Variants in RELN observed in about 807,000 individuals in gnomAD.
RELN encodes the protein reelin.
RELN carries 108 observed loss-of-function variants against 427.6 expected under a neutral mutation model. The observed-to-expected ratio is 0.25, with a 90% CI of 0.22 to 0.30. The LOEUF is 0.30. Ranked by LOEUF, RELN falls within the 10% of genes least tolerant of loss-of-function variation. The pLI is 1.00. For synonymous variants in RELN, 1,524 were observed against 1,513.4 expected, an observed-to-expected ratio of 1.01 and a Z score of -0.16; for missense variants, 3,715 against 4,302.8, an observed-to-expected ratio of 0.86 and a Z score of 3.82.
At chr7:103,501,146 A>G (rs1829013904) in intron 52 of RELN, among the ~76,000 whole-genome samples, 1 of 152,238 alleles carries the variant, frequency 6.6e-6, no homozygotes, top group Non-Finnish European at 1.5e-5. Context: ...ACACTTGCAC[A>G]ACAAAATTAA....
At chr7:103,547,838 A>G (rs1186713878) in intron 41 of RELN, among the ~76,000 whole-genome samples, 1 of 152,138 alleles carries the variant, frequency 6.6e-6, no homozygotes, top group Non-Finnish European at 1.5e-5. Flanking sequence ...TTGGATATTT[A>G]TTATTGTTCA....
chr7:103,518,184 A>G (rs1829613132), intron 49 of RELN, among the ~76,000 whole-genome samples: 1 of 152,032 alleles, frequency 6.6e-6, no homozygotes, highest in Non-Finnish European at 1.5e-5. Flanking sequence ...AAATTAAGTA[A>G]TTTTGTCTTT....
chr7:103,707,847 C>G (rs372380299), intron 8 of RELN, among the ~76,000 whole-genome samples: 75 of 152,010 alleles, frequency 4.9e-4, no homozygotes, highest in African/African-American at 1.8e-3. Flanking sequence ...ATAAGCAAAA[C>G]AAACAAAAAA....
At chr7:103,504,030 C>G (rs1279068051) in intron 51 of RELN, among the ~76,000 whole-genome samples, 1 of 151,964 alleles carries the variant, frequency 6.6e-6, no homozygotes, top group African/African-American at 2.4e-5. Context: ...ATGGTGAAAC[C>G]CTGTCTCTAC....
intron 1 of RELN, among the ~76,000 whole-genome samples, chr7:103,943,848 C>CAAAAAAAA (rs10631941): frequency 2.7e-4 from 21 of 76,418 alleles, no homozygotes; most frequent in African/African-American, 7.6e-4. Flanking sequence ...ATTCTGTCTC[C>CAAAAAAAA]AAAAAAAAAA....
At chr7:103,667,904 C>A (rs1435552968) in intron 11 of RELN, among the ~76,000 whole-genome samples, 1 of 152,140 alleles carries the variant, frequency 6.6e-6, no homozygotes, top group Non-Finnish European at 1.5e-5. Flanking sequence ...CATTTGGCAA[C>A]AGATATCAAA....
intron 10 of RELN, among the ~76,000 whole-genome samples, chr7:103,683,774 T>C (rs1367511518): frequency 6.6e-6 from 1 of 152,154 alleles, no homozygotes; most frequent in African/African-American, 2.4e-5. Flanking sequence ...TAGACTGACA[T>C]ATTACCAAAG....
intron 28 of RELN, 31 bp downstream of exon 28, chr7:103,589,565 G>A: frequency 6.9e-7 from 1 of 1,456,068 alleles, no homozygotes; most frequent in Non-Finnish European, 9.7e-7. Flanking sequence ...CTTTCTTAAT[G>A]GCCCAAACCC....
chr7:103,676,873 A>C (rs1833538577), intron 11 of RELN, among the ~76,000 whole-genome samples: 1 of 152,006 alleles, frequency 6.6e-6, no homozygotes, highest in East Asian at 1.9e-4. Context: ...TGAACATCAC[A>C]CAGCGGGGCC....
chr7:103,885,362 A>G (rs1794701911), intron 2 of RELN, among the ~76,000 whole-genome samples: 1 of 151,788 alleles, frequency 6.6e-6, no homozygotes, highest in African/African-American at 2.4e-5. Context: ...TATAGACTGG[A>G]TAAAGAAAAT....
chr7:103,903,090 CAA>C (rs1298555438), intron 2 of RELN, among the ~76,000 whole-genome samples: 2 of 152,036 alleles, frequency 1.3e-5, no homozygotes. Flanking sequence ...CCTCAAACCT[CAA>C]GAGTAAACCA....
intron 6 of RELN, among the ~76,000 whole-genome samples, chr7:103,729,522 G>A (rs1790300061): frequency 6.6e-6 from 1 of 152,020 alleles, no homozygotes; most frequent in African/African-American, 2.4e-5. Flanking sequence ...ACATATTTTA[G>A]AAAAAACATA....
chr7:103,748,071 A>G (rs1790891048), intron 6 of RELN, among the ~76,000 whole-genome samples: 1 of 152,026 alleles, frequency 6.6e-6, no homozygotes, highest in African/African-American at 2.4e-5. Flanking sequence ...ATCTATATTA[A>G]TGGCATATAA....
At chr7:103,757,812 T>G (rs1252910135) in intron 4 of RELN, among the ~76,000 whole-genome samples, 8 of 152,296 alleles carry the variant, frequency 5.3e-5, no homozygotes, top group African/African-American at 1.9e-4. Context: ...GGAGTTGTTC[T>G]GTACCCAGAG....
chr7:103,714,894 T>C (rs1192711861), intron 8 of RELN, among the ~76,000 whole-genome samples: 1 of 152,174 alleles, frequency 6.6e-6, no homozygotes, highest in Non-Finnish European at 1.5e-5. Flanking sequence ...CTTGGATCTG[T>C]CAAGAACTGT....
chr7:103,501,021 T>A (rs926214958), intron 52 of RELN, 99 bp from the exon 53 acceptor site: 2 of 1,054,320 alleles, frequency 1.9e-6, no homozygotes, highest in Admixed American at 3.5e-5. Context: ...GAAAAAACAT[T>A]TAAGATACTC....
intron 5 of RELN, among the ~76,000 whole-genome samples, chr7:103,751,401 T>C (rs1357561867): frequency 6.6e-6 from 1 of 152,208 alleles, no homozygotes; most frequent in African/African-American, 2.4e-5. Context: ...GCCTCCTTTA[T>C]ACCAGGTAGG....
intron 28 of RELN, among the ~76,000 whole-genome samples, chr7:103,581,209 C>T (rs1418737602): frequency 1.3e-5 from 2 of 152,084 alleles, no homozygotes; most frequent in Admixed American, 6.6e-5. Context: ...TCCTGGACAT[C>T]GTTCTCAGAG....
intron 8 of RELN, among the ~76,000 whole-genome samples, chr7:103,706,969 C>A (rs762184512): frequency 2.0e-5 from 3 of 152,140 alleles, no homozygotes; most frequent in Non-Finnish European, 1.5e-5. Flanking sequence ...AACCTGTAGA[C>A]CCTCCTCCTG....
Sources: allele counts gnomAD v4.1 joint callset (sites outside exome capture counted in the v4.1 genomes callset), GRCh38; gene constraint gnomAD v4.1.1; transcripts MANE v1.5; gene names NCBI Gene and HGNC (gene_info 2026-07-23, HGNC 2026-07-21).